Variants in SVIL observed in about 807,000 individuals in gnomAD.
The protein encoded by SVIL is archvillin.
Under a neutral mutation model 240.4 loss-of-function variants are expected in SVIL, and 101 were observed. The observed-to-expected ratio is 0.42, with a 90% CI of 0.36 to 0.50. SVIL has a LOEUF of 0.50. SVIL is among the 20% of genes least tolerant of loss of function. SVIL has a pLI of 0.01. For missense variants in SVIL, 2,512 were observed against 2,818.7 expected, an observed-to-expected ratio of 0.89 and a Z score of 2.46; for synonymous variants, 999 against 1,100.0, an observed-to-expected ratio of 0.91 and a Z score of 1.82.
At chr10:29,494,164 T>A (rs1564513946) in intron 20 of SVIL, among the ~76,000 whole-genome samples, 1 of 150,340 alleles carries the variant, frequency 6.7e-6, no homozygotes, top group Non-Finnish European at 1.5e-5. Context: ...CAAGACCCTG[T>A]CTCTAAAAAA....
chr10:29,703,197 T>C (rs956251044), intron 1 of SVIL, among the ~76,000 whole-genome samples: 54 of 152,202 alleles, frequency 3.5e-4, no homozygotes, highest in African/African-American at 1.3e-3. Flanking sequence ...TCCATTTTCA[T>C]AATTTTTCTC....
intron 34 of SVIL, among the ~76,000 whole-genome samples, chr10:29,464,514 A>G (rs1944656235): frequency 6.6e-6 from 1 of 152,090 alleles, no homozygotes; most frequent in African/African-American, 2.4e-5. Context: ...CTCCTCCTCA[A>G]ATTGTCAGTC....
chr10:29,683,650 A>G (rs1010936973), intron 2 of SVIL, among the ~76,000 whole-genome samples: 2 of 152,220 alleles, frequency 1.3e-5, no homozygotes, highest in Admixed American at 1.3e-4. Flanking sequence ...CTCCCTCCCA[A>G]CCTAGCAAAA....
intron 28 of SVIL, 87 bp downstream of exon 28, chr10:29,481,497 T>C (rs1946845776): frequency 6.5e-7 from 1 of 1,536,338 alleles, no homozygotes; most frequent in Non-Finnish European, 8.9e-7. Flanking sequence ...CCATACGAAC[T>C]ATCCTGATTT....
chr10:29,623,216 T>A (rs559245583), intron 1 of SVIL, among the ~76,000 whole-genome samples: 30 of 152,334 alleles, frequency 2.0e-4, no homozygotes, highest in Non-Finnish European at 3.8e-4. Context: ...TCAGTTCCTA[T>A]CAGCAGATGC....
chr10:29,553,603 TA>T (rs1480316683), intron 5 of SVIL, among the ~76,000 whole-genome samples: 1 of 151,220 alleles, frequency 6.6e-6, no homozygotes, highest in African/African-American at 2.4e-5. Context: ...TACAATTAAA[TA>T]AAAAAAATAA....
chr10:29,721,749 A>T (rs1344835071), intron 1 of SVIL, among the ~76,000 whole-genome samples: 3 of 152,228 alleles, frequency 2.0e-5, no homozygotes, highest in Admixed American at 2.0e-4. Context: ...GAAACAGACA[A>T]ATTTACAAAG....
intron 1 of SVIL, among the ~76,000 whole-genome samples, chr10:29,732,102 C>A (rs1446968366): frequency 6.6e-6 from 1 of 152,176 alleles, no homozygotes; most frequent in African/African-American, 2.4e-5. Context: ...TAACTCTTTA[C>A]ACGCCTCCAA....
At position 29,664,691 on chromosome 10, in the gene SVIL, TACAC is replaced by T. The variant is rs4018670; in HGVS notation, c.-300-6627_-300-6624del. Among the ~76,000 whole-genome samples, 362 of 150,396 alleles carry T rather than the reference TACAC, an allele frequency of 2.4e-3. 1 individual carries two copies. Among genetic ancestry groups the T allele is most frequent in the African/African-American group, 8.3e-3 (341 of 40,978 alleles). On this transcript the variant is annotated intron_variant, in intron 2 of 35. Transcript: ENST00000375400. Reference sequence around the variant, plus strand: ...TTTCGTAATTTTATATATATATATATACACACACACACACACATGCACACATACA... The same window carrying T: ...TTTCGTAATTTTATATATATATATATACACACACACACATGCACACATACA...
chr10:29,470,365 G>T lies in SVIL; in HGVS notation c.5754C>A (p.Asn1918Lys). ...SRTSMVVLNV[N>K]KALIYLWHGC... ...CGTGCCACAGGTAGATGAGGGCCTT[G>T]TTGACGTTAAGCACCACCATGGAAG... Residue 1918 changes from asparagine to lysine, a missense_variant, in exon 32 of 38, where the codon AAC becomes AAA. Physicochemically the swap from Asn to Lys is moderately conservative, Grantham distance 94. This residue lies in a region of SVIL where 797 missense variants were observed against 925.3 expected (regional missense o/e 0.86). Transcript: ENST00000355867. The T allele has an allele frequency of 6.2e-7, 1 of 1,614,228 alleles. No homozygotes were observed. The highest frequency in any genetic ancestry group is 2.2e-5 in the East Asian group (1 of 44,882).
At chr10:29,641,869 G>T (rs908279075) in intron 3 of SVIL, among the ~76,000 whole-genome samples, 2 of 152,170 alleles carry the variant, frequency 1.3e-5, no homozygotes, top group Non-Finnish European at 2.9e-5. Context: ...GGAGGGATGC[G>T]ATTACTTGTG....
At chr10:29,708,574 T>C (rs554690110) in intron 1 of SVIL, among the ~76,000 whole-genome samples, 67 of 152,250 alleles carry the variant, frequency 4.4e-4, no homozygotes, top group Non-Finnish European at 8.2e-4. Context: ...TGAGCCGAGA[T>C]TGCGCCACTA....
intron 1 of SVIL, among the ~76,000 whole-genome samples, chr10:29,712,512 G>A (rs1589561905): frequency 6.6e-6 from 1 of 152,152 alleles, no homozygotes; most frequent in Non-Finnish European, 1.5e-5. Context: ...ATATGTGGAA[G>A]CAGCCTGAGG....
intron 6 of SVIL, among the ~76,000 whole-genome samples, chr10:29,540,181 A>C (rs1952041348): frequency 6.6e-6 from 1 of 152,116 alleles, no homozygotes; most frequent in South Asian, 2.1e-4. Flanking sequence ...CTAGGGCTCA[A>C]CATATCAAGT....
chr10:29,480,023 A>T (rs1171931623), intron 29 of SVIL, among the ~76,000 whole-genome samples: 1 of 152,030 alleles, frequency 6.6e-6, no homozygotes, highest in Non-Finnish European at 1.5e-5. Flanking sequence ...CATTTACTAC[A>T]CCAGACCCAC....
Position 29,731,965 on chromosome 10 carries a change from C to T in SVIL, c.-400+3786G>A, listed in dbSNP as rs141635598. 8.1e-3 allele frequency among the ~76,000 whole-genome samples: 1,232 copies of T among 152,356 alleles called. 14 individuals carry two copies. The highest frequency in any genetic ancestry group is 0.024 in the African/African-American group (1,010 of 41,580). ...AAAATAACGCCGCCTGTTCATCTTC[C>T]GTACAATGGAAGCGACGGCCCAGCG... On this transcript the variant is annotated intron_variant, in intron 1 of 35. Coordinates refer to the SVIL transcript ENST00000375400.
chr10:29,726,285 A>G (rs1409122766), intron 1 of SVIL, among the ~76,000 whole-genome samples: 1 of 152,102 alleles, frequency 6.6e-6, no homozygotes, highest in Admixed American at 6.5e-5. Flanking sequence ...ATGTGCAGAG[A>G]TAGGGATGGT....
At chr10:29,595,251 A>G (rs1956539078) in intron 1 of SVIL, among the ~76,000 whole-genome samples, 1 of 152,222 alleles carries the variant, frequency 6.6e-6, no homozygotes, top group African/African-American at 2.4e-5. Context: ...CTCTGTGGGT[A>G]TGGAAGGGAG....
intron 26 of SVIL, among the ~76,000 whole-genome samples, chr10:29,485,211 G>A (rs1947281703): frequency 6.6e-6 from 1 of 151,472 alleles, no homozygotes; most frequent in African/African-American, 2.4e-5. Context: ...ATACACAGAG[G>A]CCACTTCATA....
Sources: gnomAD v4.1 joint callset for allele counts (sites outside exome capture counted in the v4.1 genomes callset) on GRCh38, gnomAD v4.1.1 for gene constraint, gnomAD v4.1.1 regional missense constraint, MANE v1.5 for transcripts, NCBI Gene and HGNC (gene_info 2026-07-23, HGNC 2026-07-21) for gene names.